The following PDE1A variants were observed in gnomAD, a reference collection of about 807,000 sequenced individuals.
PDE1A encodes the protein phosphodiesterase 1A.
In PDE1A, 35 loss-of-function variants were observed where a neutral mutation model predicts 61.7. That is an observed-to-expected ratio of 0.57 (90% CI 0.43 to 0.75). The LOEUF (loss-of-function observed/expected upper bound fraction) is 0.75, where lower values mean the gene tolerates loss of function less well. Ranked by LOEUF, PDE1A falls within the 30% of genes least tolerant of loss-of-function variation. The probability of loss-of-function intolerance (pLI) is 0.00; values close to 1 mark genes in which losing one functional copy is unlikely to be tolerated. For synonymous variants in PDE1A, 232 were observed against 213.2 expected (o/e 1.09, Z -0.77); for missense variants, 597 against 630.6 (o/e 0.95, Z 0.57).
At chr2:182,569,496 T>C in the PDE1A span, among the ~76,000 whole-genome samples, 7 of 152,162 alleles carry the variant, frequency 4.6e-5, no homozygotes, top group African/African-American at 1.7e-4. Context: ...ATTGAGCTCC[T>C]TGGGCGTCAA....
At chr2:182,358,349 A>G (rs749050955) in intron 1 of PDE1A, among the ~76,000 whole-genome samples, 35 of 152,046 alleles carry the variant, frequency 2.3e-4, no homozygotes, top group Non-Finnish European at 5.0e-4. Flanking sequence ...GCCTTTTCTG[A>G]TGCCCTTACA....
At chr2:182,398,263 A>T (rs1701817899) in intron 1 of PDE1A, among the ~76,000 whole-genome samples, 1 of 152,024 alleles carries the variant, frequency 6.6e-6, no homozygotes, top group African/African-American at 2.4e-5. Flanking sequence ...TCATACTGGA[A>T]ATAGCCATAT....
At chr2:182,194,881 TCACACACACACACACACACA>T (rs55809632) in intron 10 of PDE1A, among the ~76,000 whole-genome samples, 3 of 144,942 alleles carry the variant, frequency 2.1e-5, no homozygotes, top group East Asian at 2.0e-4. Context: ...TCTGAAATAT[TCACACACACACACACACACA>T]CACACACACA....
At chr2:182,624,268 C>G in the PDE1A span, among the ~76,000 whole-genome samples, 1 of 152,176 alleles carries the variant, frequency 6.6e-6, no homozygotes, top group Non-Finnish European at 1.5e-5. Flanking sequence ...AATAAGCCTC[C>G]TGCTAGCTAC....
At chr2:182,649,095 A>C in the PDE1A span, among the ~76,000 whole-genome samples, 3 of 152,186 alleles carry the variant, frequency 2.0e-5, no homozygotes, top group Non-Finnish European at 4.4e-5. Flanking sequence ...GGTGGCCTAG[A>C]ATACATCTGA....
intron 7 of PDE1A, among the ~76,000 whole-genome samples, chr2:182,210,760 ATCT>A (rs201559810): frequency 0.024 from 3,726 of 152,132 alleles, 162 homozygotes; most frequent in African/African-American, 0.085. Flanking sequence ...CTTCTATGTA[ATCT>A]TCTAGGAATT....
chr2:182,630,627 G>C, the PDE1A span, among the ~76,000 whole-genome samples: 4 of 151,568 alleles, frequency 2.6e-5, no homozygotes, highest in Non-Finnish European at 5.9e-5. Flanking sequence ...TCATCAGTTT[G>C]ATGGTTCTAA....
rs546618980 is a variant in PDE1A at position 182,473,339 on chromosome 2, G to A, written c.101+48937C>T. On this transcript the variant is annotated intron_variant, in intron 2 of 14. Coordinates refer to the PDE1A transcript ENST00000410103. ...AAGAAACTACCATCAGAGTGAACAG[G>A]CAACCTACAAAATGGGAGAAAATTT... 2.1e-3 allele frequency among the ~76,000 whole-genome samples: 315 copies of A among 151,820 alleles called. 6 individuals carry two copies. The highest frequency in any genetic ancestry group is 0.01 in the Middle Eastern group (3 of 294).
chr2:182,360,730 T>G (rs536417816), intron 1 of PDE1A, among the ~76,000 whole-genome samples: 1 of 151,706 alleles, frequency 6.6e-6, no homozygotes, highest in Non-Finnish European at 1.5e-5. Flanking sequence ...GTTTTTTTTT[T>G]CCCCCTATGG....
chr2:182,677,189 C>A, the PDE1A span, among the ~76,000 whole-genome samples: 59 of 152,268 alleles, frequency 3.9e-4, 1 homozygote, highest in East Asian at 8.5e-3. Flanking sequence ...AAAGCTCCTG[C>A]AGCTGATAAA....
intron 1 of PDE1A, among the ~76,000 whole-genome samples, chr2:182,425,226 C>T (rs1703537330): frequency 6.6e-6 from 1 of 152,146 alleles, no homozygotes; most frequent in Non-Finnish European, 1.5e-5. Flanking sequence ...CTGTGGGTGC[C>T]CTCTGTGAGT....
chr2:182,361,934 A>G (rs1054231787), intron 1 of PDE1A, among the ~76,000 whole-genome samples: 6 of 152,042 alleles, frequency 3.9e-5, no homozygotes, highest in African/African-American at 1.4e-4. Flanking sequence ...TGGCCAAGCC[A>G]TCTACCAAGC....
chr2:182,390,862 C>A (rs1344717693), intron 1 of PDE1A, among the ~76,000 whole-genome samples: 1 of 152,224 alleles, frequency 6.6e-6, no homozygotes, highest in Non-Finnish European at 1.5e-5. Flanking sequence ...TCTCACCTTT[C>A]TCTGAGGAGA....
chr2:182,361,322 T>A (rs1305773555), intron 1 of PDE1A, among the ~76,000 whole-genome samples: 1 of 152,090 alleles, frequency 6.6e-6, no homozygotes, highest in South Asian at 2.1e-4. Context: ...TGAGGATTAA[T>A]AGGCAAAAAA....
At chr2:182,540,623 G>C in the PDE1A span, among the ~76,000 whole-genome samples, 1 of 151,944 alleles carries the variant, frequency 6.6e-6, no homozygotes, top group South Asian at 2.1e-4. Flanking sequence ...TTTTAAGTTA[G>C]TTATTTCTTG....
At chr2:182,645,012 G>T in the PDE1A span, among the ~76,000 whole-genome samples, 1 of 133,726 alleles carries the variant, frequency 7.5e-6, no homozygotes, top group Non-Finnish European at 1.6e-5. Context: ...TTGAGACTGA[G>T]TCTCGCTCTG....
intron 2 of PDE1A, among the ~76,000 whole-genome samples, chr2:182,470,109 T>G (rs1250513343): frequency 6.6e-6 from 1 of 151,954 alleles, no homozygotes; most frequent in African/African-American, 2.4e-5. Context: ...AAAATGGCAC[T>G]GGTAGACTTG....
chr2:182,576,664 C>G, the PDE1A span, among the ~76,000 whole-genome samples: 2 of 152,062 alleles, frequency 1.3e-5, no homozygotes, highest in African/African-American at 4.8e-5. Context: ...AGTGGCTACA[C>G]CATTTTATAT....
intron 7 of PDE1A, among the ~76,000 whole-genome samples, chr2:182,209,023 G>C (rs2125517862): frequency 6.6e-6 from 1 of 152,290 alleles, no homozygotes; most frequent in South Asian, 2.1e-4. Context: ...TGTTGGGAAG[G>C]CATGATTGGT....
Sources: gnomAD v4.1 joint callset for allele counts (sites outside exome capture counted in the v4.1 genomes callset) on GRCh38, gnomAD v4.1.1 for gene constraint, MANE v1.5 for transcripts, NCBI Gene and HGNC (gene_info 2026-07-23, HGNC 2026-07-21) for gene names.